The following EIF3H variants were observed in gnomAD, a reference collection of about 807,000 sequenced individuals.
The protein encoded by EIF3H is eIF-3-gamma.
Under a neutral mutation model 44.2 loss-of-function variants are expected in EIF3H, and 26 were observed. That is an observed-to-expected ratio of 0.59 (90% CI 0.43 to 0.82). The LOEUF (loss-of-function observed/expected upper bound fraction) is 0.82. EIF3H is among the 40% of genes least tolerant of loss of function. The pLI, the probability that EIF3H is intolerant of heterozygous loss-of-function variation, is 0.00. For missense variants in EIF3H, 359 were observed against 432.8 expected (o/e 0.83, Z 1.51); for synonymous variants, 166 against 151.9 (o/e 1.09, Z -0.68).
intron 2 of EIF3H, among the ~76,000 whole-genome samples, chr8:116,690,586 T>C (rs886214265): frequency 4.6e-5 from 7 of 152,162 alleles, no homozygotes; most frequent in Middle Eastern, 3.2e-3. Context: ...AGGCACTTAC[T>C]GAAAAGGCTG....
At chr8:116,758,994 A>G (rs1037032939), upstream of EIF3H, among the ~76,000 whole-genome samples, 2 of 152,254 alleles carry the variant, frequency 1.3e-5, no homozygotes, top group African/African-American at 2.4e-5. Flanking sequence ...TGAAGTATGC[A>G]TAAGAAAGTA....
intron 1 of EIF3H, among the ~76,000 whole-genome samples, chr8:116,750,693 G>C (rs1380128459): frequency 6.6e-6 from 1 of 151,692 alleles, no homozygotes; most frequent in African/African-American, 2.4e-5. Flanking sequence ...TTACAGGCGT[G>C]AGCCACCACA....
chr8:116,735,188 A>G (rs1815013487), intron 1 of EIF3H, among the ~76,000 whole-genome samples: 1 of 152,222 alleles, frequency 6.6e-6, no homozygotes, highest in Admixed American at 6.5e-5. Context: ...AATACATCAG[A>G]CATAGACATA....
At chr8:116,735,576 C>T (rs960884855) in intron 1 of EIF3H, among the ~76,000 whole-genome samples, 2 of 152,082 alleles carry the variant, frequency 1.3e-5, no homozygotes, top group African/African-American at 4.8e-5. Flanking sequence ...ATGCTTGGGA[C>T]GACAAGTGTT....
At chr8:116,678,922 G>A (rs1362766756) in intron 2 of EIF3H, among the ~76,000 whole-genome samples, 24 of 83,884 alleles carry the variant, frequency 2.9e-4, no homozygotes, top group Admixed American at 9.3e-4. Flanking sequence ...GGGCTCCTCT[G>A]CCCGGCCGCC....
rs113585736 is a variant in EIF3H, at chr8:116,691,557, A to G, written c.290-32577T>C. On this transcript the variant is annotated intron_variant, in intron 2 of 7. Coordinates refer to ENST00000521861, the MANE Select transcript of EIF3H (RefSeq NM_003756.3). Reference sequence around the variant, plus strand: ...CAACAGGAAGCTCTATTTTAATAGGAAAAAAAAAAAAGCCTATAAAAGAAA... The same window carrying G: ...CAACAGGAAGCTCTATTTTAATAGGGAAAAAAAAAAAGCCTATAAAAGAAA... Among the ~76,000 whole-genome samples, 149 of 102,142 alleles carry G rather than the reference A, an allele frequency of 1.5e-3. 1 individual carries two copies. Among genetic ancestry groups the G allele is most frequent in the African/African-American group, 4.0e-3 (131 of 32,828 alleles). The allele number at this position is 102,142 out of a possible 152,430, so 67.0% of individuals were successfully genotyped here. A position where few individuals can be genotyped will look rare whatever the true frequency, so the allele number is the denominator to read the frequency against.
chr8:116,672,068 T>C lies in EIF3H; in HGVS notation c.290-13088A>G, dbSNP rs1336266422. On this transcript the variant is annotated intron_variant, in intron 2 of 7. Coordinates refer to ENST00000521861, the MANE Select transcript of EIF3H (RefSeq NM_003756.3). ...TGGTTTAATGTTTATTACAATGGTA[T>C]GGAGGCAAAATAGTAAAACAGCAAT... 3.9e-5 allele frequency among the ~76,000 whole-genome samples: 6 copies of C among 152,226 alleles called. 1 individual carries two copies. The highest frequency in any genetic ancestry group is 8.8e-5 in the Non-Finnish European group (6 of 68,036).
chr8:116,692,587 A>C (rs1176242572), intron 2 of EIF3H, among the ~76,000 whole-genome samples: 2 of 152,200 alleles, frequency 1.3e-5, no homozygotes, highest in South Asian at 2.1e-4. Context: ...GACTTACTTA[A>C]TTAAGACAGG....
rs1813327175 is a variant in EIF3H at position 116,647,692 on chromosome 8, G to A, written c.829-1089C>T. Among the ~76,000 whole-genome samples, 7 of 152,278 alleles carry A rather than the reference G, an allele frequency of 4.6e-5. No homozygotes were observed. The South Asian group carries it at 1.4e-3, about 32-fold the overall frequency. On this transcript the variant is annotated intron_variant, in intron 6 of 7. Coordinates refer to ENST00000521861, the MANE Select transcript of EIF3H (RefSeq NM_003756.3). ...TGGGCTAGTAAAAATTTAGTCTTTG[G>A]ATTCCTAAGAAAATCAAGGGAAACA...
At chr8:116,754,106 T>C (rs74309011) in intron 1 of EIF3H, among the ~76,000 whole-genome samples, 8 of 151,908 alleles carry the variant, frequency 5.3e-5, no homozygotes, top group African/African-American at 1.2e-4. Flanking sequence ...ACAGGCCAGA[T>C]AGTACTCCAT....
At chr8:116,674,351 A>G (rs1441265073) in intron 2 of EIF3H, among the ~76,000 whole-genome samples, 3 of 151,262 alleles carry the variant, frequency 2.0e-5, no homozygotes, top group Non-Finnish European at 4.4e-5. Flanking sequence ...GGGATTCTAA[A>G]GCAGATAAAG....
intron 2 of EIF3H, among the ~76,000 whole-genome samples, chr8:116,715,958 G>C (rs915138759): frequency 1.3e-4 from 20 of 151,930 alleles, no homozygotes; most frequent in African/African-American, 4.8e-4. Context: ...TCAACTAGAA[G>C]GTAAATTCTG....
At chr8:116,729,172 C>G (rs1814909843) in intron 1 of EIF3H, among the ~76,000 whole-genome samples, 1 of 152,062 alleles carries the variant, frequency 6.6e-6, no homozygotes. Context: ...TCAAAGTAAA[C>G]AAGAGATATT....
At chr8:116,666,753 C>CAAAAAAAAAAAAAAAAAAAAAAAAA (rs56700266) in intron 2 of EIF3H, among the ~76,000 whole-genome samples, 3 of 71,446 alleles carry the variant, frequency 4.2e-5, no homozygotes, top group African/African-American at 2.1e-4. Flanking sequence ...TAGTGTTAGG[C>CAAAAAAAAAAAAAAAAAAAAAAAAA]AAAAAAAAAA....
intron 1 of EIF3H, among the ~76,000 whole-genome samples, chr8:116,752,795 G>GGGAGGGAAGGAA (rs1815380272): frequency 1.2e-5 from 1 of 80,366 alleles, no homozygotes; most frequent in Non-Finnish European, 2.3e-5. Context: ...GAGGGAGGGA[G>GGGAGGGAAGGAA]GGAAGGAAGG....
chr8:116,666,422 C>T (rs753257943), intron 2 of EIF3H, among the ~76,000 whole-genome samples: 10 of 152,114 alleles, frequency 6.6e-5, no homozygotes, highest in Non-Finnish European at 1.5e-4. Flanking sequence ...ATAACACTTA[C>T]ATCCTGTAAC....
intron 1 of EIF3H, among the ~76,000 whole-genome samples, chr8:116,762,121 G>A (rs574687713): frequency 7.2e-5 from 11 of 152,150 alleles, no homozygotes; most frequent in Non-Finnish European, 1.3e-4. Context: ...TCAAAGGAAG[G>A]GCAATTGTAT....
intron 2 of EIF3H, among the ~76,000 whole-genome samples, chr8:116,708,471 T>A (rs999532730): frequency 1.3e-5 from 2 of 151,972 alleles, no homozygotes; most frequent in African/African-American, 4.8e-5. Flanking sequence ...TATTCCACAG[T>A]ATAGAAAATT....
chr8:116,645,015 G>T lies in EIF3H; in HGVS notation c.1050C>A (p.Tyr350Ter). ...TGGAAACTTCCTTTTCTTAGTTGTTGTATTCTTGAAGAGCCTGGGCCATGA... is the reference window on the plus strand; with the variant it reads ...TGGAAACTTCCTTTTCTTAGTTGTTTTATTCTTGAAGAGCCTGGGCCATGA... ...KLFMAQALQE[Y>*]NN Residue 350 changes from tyrosine to a stop codon, truncating the protein, a stop_gained, in exon 8 of 8, where the codon TAC (tyrosine) becomes TAA (stop). Coordinates refer to ENST00000521861, the MANE Select transcript of EIF3H (RefSeq NM_003756.3). LOFTEE classifies it high-confidence loss of function. The T allele has an allele frequency of 6.2e-7, 1 of 1,613,578 alleles. No individual in the cohort carries two copies. Among genetic ancestry groups the T allele is most frequent in the Non-Finnish European group, 8.5e-7 (1 of 1,179,630 alleles).
Sources: allele counts gnomAD v4.1 joint callset (sites outside exome capture counted in the v4.1 genomes callset), GRCh38; gene constraint gnomAD v4.1.1; transcripts MANE v1.5; gene names NCBI Gene and HGNC (gene_info 2026-07-23, HGNC 2026-07-21).